Variants in ABCC3 observed in about 807,000 individuals in gnomAD.
ABCC3 encodes ATP binding cassette subfamily C member 3, also known as ATP-binding cassette sub-family C member 3.
A neutral mutation model predicts 165.3 loss-of-function variants in ABCC3; 121 were observed. The observed-to-expected ratio is 0.73, with a 90% CI of 0.63 to 0.85. The LOEUF (loss-of-function observed/expected upper bound fraction) is 0.85. ABCC3 is among the 40% of genes least tolerant of loss of function. The pLI is 0.00. For synonymous variants in ABCC3, 733 were observed against 810.1 expected (o/e 0.90, Z 1.62); for missense variants, 1,869 against 1,964.1 (o/e 0.95, Z 0.92).
chr17:50,638,986 G>C (rs1478369750), intron 1 of ABCC3, among the ~76,000 whole-genome samples: 1 of 152,184 alleles, frequency 6.6e-6, no homozygotes, highest in African/African-American at 2.4e-5. Flanking sequence ...GAGCTCCTGG[G>C]TATCAGGGTC....
Position 50,656,876 on chromosome 17 carries a change from T to G in ABCC3, c.348+49T>G, listed in dbSNP as rs1392150580. 1.9e-6 allele frequency: 3 copies of G among 1,571,494 alleles called. No individual in the cohort carries two copies. In the South Asian group the frequency reaches 3.6e-5, roughly 19 times the overall value. On this transcript the variant is annotated intron_variant, in intron 3 of 30. Coordinates refer to ENST00000285238, the MANE Select transcript of ABCC3 (RefSeq NM_003786.4). ...TGGATGGGGGAGGTCTCCATTGGGT[T>G]GTGGACTGTGATAGGGAAACTGTGG...
chr17:50,635,908 A>G (rs2054175298), intron 1 of ABCC3: 2 of 261,706 alleles, frequency 7.6e-6, no homozygotes, highest in African/African-American at 2.2e-5. Flanking sequence ...ATAAGAAAAG[A>G]AAATCAAGCC....
At chr17:50,687,287 C>A in intron 29 of ABCC3, 1 of 472,582 alleles carries the variant, frequency 2.1e-6, no homozygotes, top group Non-Finnish European at 3.8e-6. Context: ...GAGAGGAGGC[C>A]AAGGGTGCCA....
Position 50,684,560 on chromosome 17 carries a change from CTA to C in ABCC3, c.4114-147_4114-146del, listed in dbSNP as rs2146643847. On this transcript the variant is annotated intron_variant, in intron 28 of 30. Coordinates refer to ENST00000285238, the MANE Select transcript of ABCC3 (RefSeq NM_003786.4). ...TTATCACTCCCCTACAGGCAATTTT[CTA>C]TCTCTTTGGCCATTGTGTCCTCTGG... The C allele has an allele frequency of 4.8e-6, 4 of 830,986 alleles. No individual in the cohort carries two copies. In the East Asian group the frequency reaches 1.2e-4, roughly 24 times the overall value. The allele number at this position is 830,986 out of a possible 1,614,324, so 51.5% of individuals were successfully genotyped here. A position where few individuals can be genotyped will look rare whatever the true frequency, so the allele number is the denominator to read the frequency against.
Position 50,658,113 on chromosome 17 carries a change from C to T in ABCC3, c.518C>T (p.Thr173Ile). 6.2e-7 allele frequency: 1 copy of T among 1,614,216 alleles called. No individual in the cohort carries two copies. Among genetic ancestry groups the T allele is most frequent in the Non-Finnish European group, 8.5e-7 (1 of 1,180,028 alleles). ...ATCTCAGACCCCTTCCGCTTCACCA[C>T]CTTCTACATCCACTTTGCCCTGGTA... ...GEISDPFRFT[T>I]FYIHFALVLS... Residue 173 changes from threonine (T) to isoleucine (I), a missense_variant, in exon 5 of 31, where the codon ACC becomes ATC. Coordinates refer to ENST00000285238, the MANE Select transcript of ABCC3 (RefSeq NM_003786.4).
At chr17:50,636,200 A>G (rs2054177886) in intron 1 of ABCC3, among the ~76,000 whole-genome samples, 1 of 152,134 alleles carries the variant, frequency 6.6e-6, no homozygotes, top group Admixed American at 6.5e-5. Flanking sequence ...TTGTACATAT[A>G]TGCCCTTTGT....
intron 17 of ABCC3, 82 bp from the exon 18 acceptor site, chr17:50,672,889 G>C: frequency 2.3e-6 from 3 of 1,282,068 alleles, no homozygotes; most frequent in Admixed American, 2.3e-5. Context: ...AAAAAAATCT[G>C]CCATCCCAAA....
chr17:50,677,641 G>C, intron 23 of ABCC3, 103 bp from the exon 24 acceptor site: 2 of 1,177,824 alleles, frequency 1.7e-6, no homozygotes, highest in East Asian at 2.3e-5. Flanking sequence ...TGGGAGTGAG[G>C]CTGGCTGGGA....
Position 50,683,647 on chromosome 17 carries a change from G to T in ABCC3, c.3845G>T (p.Gly1282Val), listed in dbSNP as rs750695373. 5 of 1,599,712 alleles carry T rather than the reference G, an allele frequency of 3.1e-6. No individual in the cohort carries two copies. In the South Asian group the frequency reaches 4.5e-5, roughly 14 times the overall value. The change falls in exon 27 of 31, where the codon GGT (glycine) becomes GTT (valine). Residue 1282 changes from glycine to valine, a missense_variant. Coordinates refer to ENST00000285238, the MANE Select transcript of ABCC3 (RefSeq NM_003786.4). ...GTGGAAGGCAGCCGCCCTCCCGAAG[G>T]TTGGCCCCCACGTGGGGAGGTGGAG... ...WVVEGSRPPE[G>V]WPPRGEVEFR...
chr17:50,635,384 G>A, intron 1 of ABCC3: 1 of 674,616 alleles, frequency 1.5e-6, no homozygotes, highest in African/African-American at 1.8e-5. Flanking sequence ...TCTGCCTCAG[G>A]TTAGGACTCG....
intron 8 of ABCC3, among the ~76,000 whole-genome samples, chr17:50,662,894 A>G (rs573447919): frequency 3.9e-5 from 6 of 152,234 alleles, no homozygotes; most frequent in African/African-American, 4.8e-5. Flanking sequence ...GGTCATGTCA[A>G]TAGGTGAAGG....
At chr17:50,635,116 A>C in intron 1 of ABCC3, 135 bp downstream of exon 1, 2 of 987,012 alleles carry the variant, frequency 2.0e-6, no homozygotes, top group Non-Finnish European at 2.7e-6. Flanking sequence ...GGCGCCCGGG[A>C]GGGGGCGATG....
chr17:50,689,187 A>T (rs1271273259), intron 30 of ABCC3, among the ~76,000 whole-genome samples: 1 of 152,254 alleles, frequency 6.6e-6, no homozygotes, highest in Non-Finnish European at 1.5e-5. Flanking sequence ...TCTGCCTCAA[A>T]AAAAAGAAAA....
rs928912895 is a variant in ABCC3 at position 50,659,502 on chromosome 17, C to G, written c.806+134C>G. The stretch of plus-strand genomic sequence containing the variant: ...GCAGGACCAGGTGATTTCTTGGCAG[C>G]CTCGGGACCATTCTATGGGAAGCTT... On this transcript the variant is annotated intron_variant, in intron 7 of 30. Coordinates refer to ENST00000285238, the MANE Select transcript of ABCC3 (RefSeq NM_003786.4). 6.6e-5 allele frequency: 71 copies of G among 1,081,646 alleles called. No individual in the cohort carries two copies. The East Asian group carries it at 1.8e-3, about 27-fold the overall frequency. The allele number at this position is 1,081,646 out of a possible 1,614,324, so 67.0% of individuals were successfully genotyped here. A position where few individuals can be genotyped will look rare whatever the true frequency, so the allele number is the denominator to read the frequency against.
chr17:50,669,322 A>C (rs1347088583), intron 16 of ABCC3, 30 bp from the exon 17 acceptor site: 1 of 1,614,174 alleles, frequency 6.2e-7, no homozygotes, highest in East Asian at 2.2e-5. Flanking sequence ...GCCTTGGGCA[A>C]GCCCCGAGGT....
chr17:50,644,310 C>CAAAA (rs57937379), intron 1 of ABCC3, among the ~76,000 whole-genome samples: 13,029 of 51,076 alleles, frequency 0.26, 2,617 homozygotes, highest in Non-Finnish European at 0.32. Flanking sequence ...GACTCCGTCT[C>CAAAA]AAAAAAAAAA....
chr17:50,668,204 C>T (rs895696713), intron 13 of ABCC3, among the ~76,000 whole-genome samples, 195 bp downstream of exon 13: 3 of 152,080 alleles, frequency 2.0e-5, no homozygotes, highest in African/African-American at 7.3e-5. Flanking sequence ...GTGGTCAGGT[C>T]GGGTGTCTGG....
intron 30 of ABCC3, 152 bp from the exon 31 acceptor site, chr17:50,690,940 G>A: frequency 1.7e-6 from 1 of 598,160 alleles, no homozygotes; most frequent in Non-Finnish European, 3.0e-6. Flanking sequence ...AAAATAACCA[G>A]CCTTGCAAGT....
At chr17:50,642,604 T>A (rs930971278) in intron 1 of ABCC3, among the ~76,000 whole-genome samples, 3 of 152,206 alleles carry the variant, frequency 2.0e-5, no homozygotes, top group Non-Finnish European at 2.9e-5. Flanking sequence ...GGTGACCAGA[T>A]GCTGTCATCA....
Sources: gnomAD v4.1 joint callset for allele counts (sites outside exome capture counted in the v4.1 genomes callset) on GRCh38, gnomAD v4.1.1 for gene constraint, MANE v1.5 for transcripts, NCBI Gene and HGNC (gene_info 2026-07-23, HGNC 2026-07-21) for gene names.